The following TC2N variants were observed in gnomAD, a reference collection of about 807,000 sequenced individuals.
TC2N encodes the protein tandem C2 domains, nuclear, also known as tandem C2 domains nuclear protein.
A neutral mutation model predicts 61.9 loss-of-function variants in TC2N; 51 were observed. The observed-to-expected ratio is 0.82, with a 90% CI of 0.66 to 1.04. TC2N has a LOEUF of 1.04. Among genes scored for constraint, TC2N ranks in the 50% least tolerant of loss-of-function variants. The pLI is 0.00. For missense variants in TC2N, 556 were observed against 566.7 expected (o/e 0.98, Z 0.19); for synonymous variants, 204 against 192.6 (o/e 1.06, Z -0.49).
intron 8 of TC2N, 69 bp from the exon 9 acceptor site, chr14:91,792,627 T>A: frequency 2.9e-6 from 2 of 698,706 alleles, no homozygotes; most frequent in Non-Finnish European, 2.1e-6. Flanking sequence ...AAAATAATAT[T>A]TTATTTTATA....
chr14:91,791,058 G>A (rs1429267727), intron 9 of TC2N, among the ~76,000 whole-genome samples: 3 of 151,588 alleles, frequency 2.0e-5, no homozygotes, highest in Non-Finnish European at 4.4e-5. Context: ...GCTTGGTCGG[G>A]GAGATGGAGG....
Position 91,812,116 on chromosome 14 carries a change from A to G in TC2N, c.301+196T>C, listed in dbSNP as rs1886795312. The stretch of plus-strand genomic sequence containing the variant: ...GAAAAAAGGCCAATTCTACATACAA[A>G]TTATTGTATTATGATCAGATTTCAA... On this transcript the variant is annotated intron_variant, in intron 3 of 11. Transcript: ENST00000435962. 5 of 311,738 alleles carry G rather than the reference A, an allele frequency of 1.6e-5. No individual in the cohort carries two copies. The South Asian group carries it at 5.2e-4, about 32-fold the overall frequency. 19.3% of individuals were successfully genotyped at this position (311,738 alleles called of 1,614,324 possible).
At chr14:91,814,654 GA>G (rs760005459) in intron 1 of TC2N, among the ~76,000 whole-genome samples, 8 of 151,494 alleles carry the variant, frequency 5.3e-5, no homozygotes, top group Non-Finnish European at 1.2e-4. Flanking sequence ...GTGAAAGTTA[GA>G]AACTGAAAAA....
At chr14:91,850,477 C>T (rs1207059629) in intron 1 of TC2N, among the ~76,000 whole-genome samples, 2 of 152,204 alleles carry the variant, frequency 1.3e-5, no homozygotes, top group South Asian at 2.1e-4. Flanking sequence ...AGCAGGTGAG[C>T]GAGTGAAGCT....
chr14:91,802,822 ACT>A (rs1404075728), intron 3 of TC2N, among the ~76,000 whole-genome samples: 2 of 152,120 alleles, frequency 1.3e-5, no homozygotes, highest in Non-Finnish European at 2.9e-5. Context: ...ACACCGAGAA[ACT>A]CTCAAATTTG....
In TC2N at chr14:91,781,338, T is replaced by A. The variant is rs144974384; in HGVS notation, c.*1762A>T. ...TGATGCATACATATCATCATATATT[T>A]GTCCTCTAGCATGTATAACACCAAG... On this transcript the variant is annotated 3_prime_UTR_variant, in exon 12 of 12. Transcript: ENST00000435962. 9.9e-5 allele frequency: 15 copies of A among 152,262 alleles called. No homozygotes were observed. The East Asian group carries it at 2.9e-3, about 29-fold the overall frequency. The allele number at this position is 152,262 out of a possible 1,614,324, so 9.4% of individuals were successfully genotyped here.
At chr14:91,855,008 G>T (rs1460023772) in intron 1 of TC2N, among the ~76,000 whole-genome samples, 1 of 152,200 alleles carries the variant, frequency 6.6e-6, no homozygotes, top group Non-Finnish European at 1.5e-5. Flanking sequence ...TGGGCTGGGA[G>T]CTGAGTTTGG....
At chr14:91,859,079 G>A (rs767318864) in intron 1 of TC2N, among the ~76,000 whole-genome samples, 1 of 148,418 alleles carries the variant, frequency 6.7e-6, no homozygotes, top group Non-Finnish European at 1.5e-5. Context: ...GCTTCTCACC[G>A]CAAGGGGTCA....
intron 1 of TC2N, among the ~76,000 whole-genome samples, chr14:91,817,389 G>A (rs181679849): frequency 4.6e-5 from 7 of 151,234 alleles, no homozygotes; most frequent in Non-Finnish European, 1.0e-4. Flanking sequence ...CAAATCAAAC[G>A]AATAGTCTCT....
chr14:91,866,645 C>T (rs538220244), intron 1 of TC2N: 1 of 152,316 alleles, frequency 6.6e-6, no homozygotes, highest in African/African-American at 2.4e-5. Context: ...TGGTACAAAG[C>T]AGAGGTCACT....
chr14:91,792,471 TC>T lies in TC2N; in HGVS notation c.942del (p.Thr315LeufsTer28). 1 of 1,611,450 alleles carries T rather than the reference TC, an allele frequency of 6.2e-7. No homozygotes were observed. Among genetic ancestry groups the T allele is most frequent in the Non-Finnish European group, 8.5e-7 (1 of 1,178,180 alleles). On this transcript the variant is annotated frameshift_variant, in exon 9 of 12. Transcript: ENST00000435962. LOFTEE classifies it high-confidence loss of function. ...TCTCCAATGGTTTTCTTCCTGGGAGTCTGGGTTTGAATCTTAAATACAAGTC... is the reference window on the plus strand; with the variant it reads ...TCTCCAATGGTTTTCTTCCTGGGAGTTGGGTTTGAATCTTAAATACAAGTC... ...TVRLVFKIQT[Q>X]TPRKKTIGEC...
intron 1 of TC2N, among the ~76,000 whole-genome samples, chr14:91,856,481 T>G (rs1888484600): frequency 1.7e-5 from 2 of 120,810 alleles, no homozygotes; most frequent in South Asian, 6.4e-4. Context: ...AGTGAGACCT[T>G]GTCTCAAAAA....
At chr14:91,797,928 A>G (rs1885990405) in intron 7 of TC2N, 27 bp from the exon 8 acceptor site, 1 of 1,356,608 alleles carries the variant, frequency 7.4e-7, no homozygotes, top group South Asian at 1.2e-5. Flanking sequence ...TACAGTTTGA[A>G]TTTTACAAAG....
At chr14:91,838,731 A>G (rs539358844) in intron 1 of TC2N, among the ~76,000 whole-genome samples, 2 of 152,246 alleles carry the variant, frequency 1.3e-5, no homozygotes, top group East Asian at 3.8e-4. Flanking sequence ...AATTGTTCCT[A>G]GTTTTCTTCC....
At chr14:91,796,596 TG>T (rs1256301359) in intron 8 of TC2N, among the ~76,000 whole-genome samples, 1 of 151,920 alleles carries the variant, frequency 6.6e-6, no homozygotes, top group Non-Finnish European at 1.5e-5. Context: ...TTTAAGAAGA[TG>T]GCCATGTGAA....
chr14:91,831,048 CCT>C (rs1370729974), intron 1 of TC2N, among the ~76,000 whole-genome samples: 2 of 152,168 alleles, frequency 1.3e-5, no homozygotes, highest in Non-Finnish European at 1.5e-5. Flanking sequence ...TCAAGTTTCC[CCT>C]GTTTAGCAAA....
At chr14:91,862,491 T>A (rs942392915) in intron 1 of TC2N, among the ~76,000 whole-genome samples, 1 of 152,190 alleles carries the variant, frequency 6.6e-6, no homozygotes, top group African/African-American at 2.4e-5. Context: ...TTGGTCTTTG[T>A]TGAACCAGCA....
At chr14:91,859,409 G>A (rs1888547669) in intron 1 of TC2N, among the ~76,000 whole-genome samples, 1 of 151,858 alleles carries the variant, frequency 6.6e-6, no homozygotes, top group Non-Finnish European at 1.5e-5. Flanking sequence ...GGCTCCCTAA[G>A]CCTCCGTACC....
rs368136129 is a variant in TC2N, at chr14:91,845,058, G to A, written c.-57+22204C>T. 8.6e-5 allele frequency among the ~76,000 whole-genome samples: 13 copies of A among 151,924 alleles called. No homozygotes were observed. In the East Asian group the frequency reaches 9.7e-4, roughly 11 times the overall value. Reference sequence around the variant, plus strand: ...TTGAGACCAGCCTGGCCAACATGGCGAAACCCCGTCTCCACAAAAATTAGC... The same window carrying A: ...TTGAGACCAGCCTGGCCAACATGGCAAAACCCCGTCTCCACAAAAATTAGC... On this transcript the variant is annotated intron_variant, in intron 1 of 11. Transcript: ENST00000435962.
Sources: allele counts gnomAD v4.1 joint callset (sites outside exome capture counted in the v4.1 genomes callset), GRCh38; gene constraint gnomAD v4.1.1; transcripts MANE v1.5; gene names NCBI Gene and HGNC (gene_info 2026-07-23, HGNC 2026-07-21).